Variants in CAST observed in about 807,000 individuals in gnomAD.
The protein encoded by CAST is calpastatin, also known as MIR583 host.
Under a neutral mutation model 119.6 loss-of-function variants are expected in CAST, and 76 were observed. The ratio of observed to expected loss-of-function variants is 0.64; its 90% confidence interval spans 0.53 to 0.77. The LOEUF (loss-of-function observed/expected upper bound fraction) is 0.77, where lower values mean the gene tolerates loss of function less well. Among genes scored for constraint, CAST ranks in the 30% least tolerant of loss-of-function variants. The pLI, the probability that CAST is intolerant of heterozygous loss-of-function variation, is 0.00. For missense variants in CAST, 953 were observed against 946.5 expected (o/e 1.01, Z -0.09); for synonymous variants, 319 against 331.6 (o/e 0.96, Z 0.41).
At chr5:96,435,158 C>A in the CAST span, among the ~76,000 whole-genome samples, 1 of 151,936 alleles carries the variant, frequency 6.6e-6, no homozygotes, top group Non-Finnish European at 1.5e-5. Flanking sequence ...TGTTTTATAA[C>A]GGTAGATGTG....
the CAST span, chr5:96,400,196 A>G: frequency 1.9e-6 from 3 of 1,567,136 alleles, no homozygotes; most frequent in Non-Finnish European, 2.6e-6. Context: ...GCTGGAGGGG[A>G]AGTGACCCAA....
the CAST span, among the ~76,000 whole-genome samples, chr5:96,050,496 TAA>T: frequency 1.3e-5 from 2 of 152,018 alleles, no homozygotes; most frequent in African/African-American, 2.4e-5. Flanking sequence ...TAAAAACAGA[TAA>T]AAGTGTGGGT....
chr5:96,165,490 A>G, the CAST span, among the ~76,000 whole-genome samples: 1 of 152,194 alleles, frequency 6.6e-6, no homozygotes, highest in Admixed American at 6.5e-5. Context: ...ACCCAATGGT[A>G]TGTTGGTAAA....
At chr5:96,157,089 G>A in the CAST span, among the ~76,000 whole-genome samples, 1 of 152,054 alleles carries the variant, frequency 6.6e-6, no homozygotes, top group Non-Finnish European at 1.5e-5. Flanking sequence ...ACTGTCTTAG[G>A]TTTATTTTTT....
chr5:96,011,377 T>C, the CAST span, among the ~76,000 whole-genome samples: 1 of 152,200 alleles, frequency 6.6e-6, no homozygotes. Flanking sequence ...ACTAATAGGA[T>C]AAAATATAGT....
the CAST span, among the ~76,000 whole-genome samples, chr5:95,983,597 G>C: frequency 6.6e-6 from 1 of 152,134 alleles, no homozygotes; most frequent in Non-Finnish European, 1.5e-5. Context: ...TGTGAATACA[G>C]ATTACTCCAT....
chr5:96,453,210 A>G, the CAST span, among the ~76,000 whole-genome samples: 4 of 152,208 alleles, frequency 2.6e-5, no homozygotes, highest in African/African-American at 9.7e-5. Context: ...GAAAATGCCA[A>G]TTGGATACTT....
At chr5:96,369,814 A>G in the CAST span, among the ~76,000 whole-genome samples, 202 of 152,160 alleles carry the variant, frequency 1.3e-3, 3 homozygotes, top group African/African-American at 4.6e-3. Flanking sequence ...AGCTCTCTTC[A>G]CTGCATGACC....
At chr5:96,079,183 C>G in the CAST span, 2 of 469,342 alleles carry the variant, frequency 4.3e-6, no homozygotes, top group Non-Finnish European at 8.8e-6. Flanking sequence ...CTGCAGGGAT[C>G]TTAGCAGTAC....
chr5:96,469,889 T>TATAC, the CAST span, among the ~76,000 whole-genome samples: 710 of 145,154 alleles, frequency 4.9e-3, 8 homozygotes, highest in African/African-American at 0.017. Flanking sequence ...AATATATATA[T>TATAC]ACACACACAT....
the CAST span, among the ~76,000 whole-genome samples, chr5:96,193,748 G>T: frequency 6.6e-6 from 1 of 152,120 alleles, no homozygotes; most frequent in East Asian, 1.9e-4. Flanking sequence ...GTTTGGATTG[G>T]TCCAAACATC....
chr5:96,186,460 T>C, the CAST span, among the ~76,000 whole-genome samples: 1 of 152,188 alleles, frequency 6.6e-6, no homozygotes, highest in Admixed American at 6.5e-5. Flanking sequence ...TTTTTGCACA[T>C]TCAGTATGAT....
At chr5:96,413,963 C>CAAAAAAAAA in the CAST span, among the ~76,000 whole-genome samples, 2 of 22,430 alleles carry the variant, frequency 8.9e-5, no homozygotes, top group Non-Finnish European at 2.6e-4. Flanking sequence ...ACTAAAAATA[C>CAAAAAAAAA]AAAAAAAAAA....
At chr5:96,594,257 A>G (rs534214794) in intron 1 of CAST, among the ~76,000 whole-genome samples, 2 of 152,360 alleles carry the variant, frequency 1.3e-5, no homozygotes, top group Admixed American at 1.3e-4. Flanking sequence ...CCGTTCCTGC[A>G]GAAAATCATA....
intron 1 of CAST, among the ~76,000 whole-genome samples, chr5:96,584,243 G>A (rs1360502675): frequency 6.6e-6 from 1 of 152,176 alleles, no homozygotes; most frequent in Non-Finnish European, 1.5e-5. Context: ...TCCCAATAGG[G>A]CTGGTGCTCC....
chr5:96,535,323 G>A (rs919378527), intron 1 of CAST, among the ~76,000 whole-genome samples: 2 of 152,190 alleles, frequency 1.3e-5, no homozygotes, highest in Non-Finnish European at 2.9e-5. Context: ...AAGGAAGAGG[G>A]AAATGGGAAG....
At chr5:96,168,817 A>G in the CAST span, among the ~76,000 whole-genome samples, 1 of 152,176 alleles carries the variant, frequency 6.6e-6, no homozygotes. Context: ...CTCAACAAAG[A>G]GTGAGTATAG....
At chr5:96,081,721 T>C in the CAST span, among the ~76,000 whole-genome samples, 5 of 152,126 alleles carry the variant, frequency 3.3e-5, no homozygotes, top group Non-Finnish European at 5.9e-5. Context: ...ATGAAGTCTT[T>C]ACAGCCTGGA....
the CAST span, among the ~76,000 whole-genome samples, chr5:96,204,291 C>T: frequency 6.6e-6 from 1 of 152,014 alleles, no homozygotes; most frequent in Admixed American, 6.6e-5. Context: ...CAGGATAGAG[C>T]AGCTGTTTCC....
Sources: gnomAD v4.1 joint callset for allele counts (sites outside exome capture counted in the v4.1 genomes callset) on GRCh38, gnomAD v4.1.1 for gene constraint, MANE v1.5 for transcripts, NCBI Gene and HGNC (gene_info 2026-07-23, HGNC 2026-07-21) for gene names.